The following NAALADL2 variants were observed in gnomAD, a reference collection of about 807,000 sequenced individuals.
NAALADL2 encodes N-acetylated alpha-linked acidic dipeptidase like 2, also known as inactive N-acetylated-alpha-linked acidic dipeptidase-like protein 2.
Under a neutral mutation model 87.2 loss-of-function variants are expected in NAALADL2, and 76 were observed. That is an observed-to-expected ratio of 0.87 (90% CI 0.72 to 1.05). The LOEUF (loss-of-function observed/expected upper bound fraction) is 1.05, where lower values mean the gene tolerates loss of function less well. Ranked by LOEUF, NAALADL2 falls within the 50% of genes least tolerant of loss-of-function variation. The probability of loss-of-function intolerance (pLI) is 0.00; values close to 1 mark genes in which losing one functional copy is unlikely to be tolerated. For missense variants in NAALADL2, 1,089 were observed against 945.8 expected, an observed-to-expected ratio of 1.15 and a Z score of -1.99; for synonymous variants, 354 against 331.0, an observed-to-expected ratio of 1.07 and a Z score of -0.75.
chr3:175,684,367 A>C (rs1001006428), intron 11 of NAALADL2, among the ~76,000 whole-genome samples: 39 of 152,156 alleles, frequency 2.6e-4, no homozygotes, highest in Admixed American at 6.5e-5. Context: ...CAAGTCTAAT[A>C]CTCATAATCA....
In NAALADL2 at chr3:174,523,977, T is replaced by C. The variant is rs147446229; in HGVS notation, c.-183-26592T>C. Among the ~76,000 whole-genome samples, 959 of 152,298 alleles carry C rather than the reference T, an allele frequency of 6.3e-3. 11 individuals are homozygous for C. The highest frequency in any genetic ancestry group is 0.02 in the African/African-American group (835 of 41,554). On this transcript the variant is annotated intron_variant, in intron 1 of 3. Coordinates refer to the NAALADL2 transcript ENST00000434257. ...AGAGAAAATTAGAAAATTAAAACAA[T>C]TTTATGAATATACTTGGTCTCTTTA...
chr3:175,141,560 TA>T (rs1196519517), intron 2 of NAALADL2, among the ~76,000 whole-genome samples: 5 of 152,048 alleles, frequency 3.3e-5, no homozygotes, highest in African/African-American at 1.2e-4. Flanking sequence ...TGAACTTTGC[TA>T]AAAAGTTGTA....
chr3:174,473,277 C>A (rs1560004068), intron 1 of NAALADL2, among the ~76,000 whole-genome samples: 1 of 152,116 alleles, frequency 6.6e-6, no homozygotes, highest in Non-Finnish European at 1.5e-5. Flanking sequence ...GTTTTGAAAA[C>A]CTCTGTGACA....
chr3:174,894,110 A>C (rs144235736), intron 1 of NAALADL2, among the ~76,000 whole-genome samples: 4 of 152,204 alleles, frequency 2.6e-5, no homozygotes, highest in African/African-American at 9.7e-5. Flanking sequence ...GAAAAAAGTC[A>C]CTATATCATG....
At chr3:175,606,894 T>A (rs1210508426) in intron 10 of NAALADL2, among the ~76,000 whole-genome samples, 1 of 152,180 alleles carries the variant, frequency 6.6e-6, no homozygotes, top group African/African-American at 2.4e-5. Flanking sequence ...CTGTGGTAAT[T>A]TTGCTGGATC....
chr3:175,287,555 T>A (rs7615715), intron 4 of NAALADL2, among the ~76,000 whole-genome samples: 2,649 of 152,286 alleles, frequency 0.017, 67 homozygotes, highest in African/African-American at 0.061. Context: ...GTTACACAGA[T>A]GATGACTGTG....
chr3:175,188,314 C>A (rs1737642262), intron 2 of NAALADL2, among the ~76,000 whole-genome samples: 2 of 152,212 alleles, frequency 1.3e-5, no homozygotes, highest in Admixed American at 1.3e-4. Flanking sequence ...TCCAGGGACC[C>A]AGACTCTAGG....
intron 2 of NAALADL2, among the ~76,000 whole-genome samples, chr3:175,162,329 G>T (rs1461271): frequency 0.54 from 81,513 of 151,812 alleles, 22,161 homozygotes; most frequent in East Asian, 0.75. Context: ...TTTAAAATTT[G>T]CACTGCAATA....
intron 11 of NAALADL2, among the ~76,000 whole-genome samples, chr3:175,634,757 T>C (rs1280015207): frequency 1.3e-5 from 2 of 152,000 alleles, no homozygotes; most frequent in African/African-American, 4.8e-5. Context: ...AGTTTAAGGA[T>C]ATTCTAATCT....
chr3:174,945,547 T>C (rs1458856194), intron 1 of NAALADL2, among the ~76,000 whole-genome samples: 1 of 152,224 alleles, frequency 6.6e-6, no homozygotes, highest in Non-Finnish European at 1.5e-5. Context: ...CCTGAGGTTT[T>C]CCAAAGATAT....
intron 5 of NAALADL2, among the ~76,000 whole-genome samples, chr3:175,329,415 T>TA (rs1481707755): frequency 1.3e-5 from 2 of 152,178 alleles, no homozygotes; most frequent in African/African-American, 4.8e-5. Context: ...ATTCAAAGAA[T>TA]AAAGAATATC....
chr3:175,384,453 A>G (rs930265245), intron 5 of NAALADL2, among the ~76,000 whole-genome samples: 1 of 152,044 alleles, frequency 6.6e-6, no homozygotes, highest in Non-Finnish European at 1.5e-5. Flanking sequence ...TGTCTTGACA[A>G]ATAATACTTT....
intron 1 of NAALADL2, among the ~76,000 whole-genome samples, chr3:174,947,315 G>T (rs1231571366): frequency 6.6e-6 from 1 of 152,022 alleles, no homozygotes; most frequent in African/African-American, 2.4e-5. Context: ...TACATGTTCA[G>T]TTATCCCAAC....
intron 9 of NAALADL2, among the ~76,000 whole-genome samples, chr3:175,501,508 G>A (rs1254326843): frequency 6.6e-6 from 1 of 151,742 alleles, no homozygotes; most frequent in Non-Finnish European, 1.5e-5. Context: ...GCTGGAGGTT[G>A]GGTCAGCCCC....
At chr3:174,951,019 T>C (rs973317203) in intron 1 of NAALADL2, among the ~76,000 whole-genome samples, 2 of 152,096 alleles carry the variant, frequency 1.3e-5, no homozygotes, top group African/African-American at 4.8e-5. Context: ...CTGGTGTCAT[T>C]AGCAAACATG....
At chr3:174,597,885 G>T (rs1424669668) in intron 2 of NAALADL2, among the ~76,000 whole-genome samples, 1 of 152,132 alleles carries the variant, frequency 6.6e-6, no homozygotes, top group Non-Finnish European at 1.5e-5. Flanking sequence ...AGACACATTT[G>T]ATCTTTCCTG....
intron 3 of NAALADL2, among the ~76,000 whole-genome samples, chr3:174,813,784 C>A (rs762305754): frequency 2.6e-5 from 4 of 152,152 alleles, no homozygotes; most frequent in African/African-American, 9.7e-5. Context: ...CCTGAATCAA[C>A]CTCTTAAGTA....
At chr3:174,969,839 C>G (rs1743379169) in intron 1 of NAALADL2, among the ~76,000 whole-genome samples, 1 of 151,968 alleles carries the variant, frequency 6.6e-6, no homozygotes, top group Non-Finnish European at 1.5e-5. Context: ...TAGCAGAAGA[C>G]AGAAAATAAA....
At chr3:175,162,981 G>A (rs192239656) in intron 2 of NAALADL2, among the ~76,000 whole-genome samples, 48 of 152,144 alleles carry the variant, frequency 3.2e-4, no homozygotes, top group Admixed American at 6.6e-4. Context: ...ACATAGCCTG[G>A]AACTAATCAT....
Sources: gnomAD v4.1 joint callset for allele counts (sites outside exome capture counted in the v4.1 genomes callset) on GRCh38, gnomAD v4.1.1 for gene constraint, MANE v1.5 for transcripts, NCBI Gene and HGNC (gene_info 2026-07-23, HGNC 2026-07-21) for gene names.